RICTOR: variants seen among roughly 807,000 people sequenced by gnomAD.
RICTOR encodes RPTOR independent companion of MTOR complex 2, also known as rapamycin-insensitive companion of mTOR.
In RICTOR, 49 loss-of-function variants were observed where a neutral mutation model predicts 214.9. That is an observed-to-expected ratio of 0.23 (90% CI 0.18 to 0.29). The LOEUF (loss-of-function observed/expected upper bound fraction) is 0.29, where lower values mean the gene tolerates loss of function less well. Among genes scored for constraint, RICTOR ranks in the 10% least tolerant of loss-of-function variants. The pLI is 1.00. For synonymous variants in RICTOR, 717 were observed against 711.3 expected, an observed-to-expected ratio of 1.01 and a Z score of -0.13; for missense variants, 1,625 against 2,047.0, an observed-to-expected ratio of 0.79 and a Z score of 3.98.
intron 2 of RICTOR, among the ~76,000 whole-genome samples, chr5:39,047,093 AAAT>A (rs1757548416): frequency 6.6e-6 from 1 of 152,218 alleles, no homozygotes; most frequent in Non-Finnish European, 1.5e-5. Context: ...TTCCATCTTC[AAAT>A]AATATTACTA....
intron 2 of RICTOR, among the ~76,000 whole-genome samples, chr5:39,034,776 C>T (rs962571223): frequency 6.6e-5 from 10 of 152,244 alleles, no homozygotes; most frequent in African/African-American, 2.4e-4. Flanking sequence ...GGAGGGGCGC[C>T]CGCCATTGCT....
chr5:39,070,294 T>C (rs1282215644), intron 2 of RICTOR, among the ~76,000 whole-genome samples: 2 of 150,702 alleles, frequency 1.3e-5, no homozygotes, highest in Non-Finnish European at 3.0e-5. Flanking sequence ...TGAAACCCCG[T>C]CTCTACTAAA....
At chr5:38,988,459 TC>T (rs1027274224) in intron 7 of RICTOR, among the ~76,000 whole-genome samples, 1 of 152,190 alleles carries the variant, frequency 6.6e-6, no homozygotes, top group African/African-American at 2.4e-5. Context: ...CCCTTCTTTG[TC>T]TTTTCTGATC....
chr5:39,012,600 C>T (rs1172851452), intron 3 of RICTOR, among the ~76,000 whole-genome samples: 2 of 152,094 alleles, frequency 1.3e-5, no homozygotes, highest in African/African-American at 4.8e-5. Context: ...ACTATTTTTG[C>T]CGTTACTGTT....
At chr5:39,056,514 T>TACA (rs1231729240) in intron 2 of RICTOR, among the ~76,000 whole-genome samples, 3 of 152,062 alleles carry the variant, frequency 2.0e-5, no homozygotes, top group African/African-American at 7.2e-5. Context: ...CGTGTGCCTG[T>TACA]ACTCCCAACT....
chr5:38,982,043 G>C lies in RICTOR; in HGVS notation c.584-7C>G. The C allele has an allele frequency of 2.5e-6, 4 of 1,593,826 alleles. No homozygotes were observed. Among genetic ancestry groups the C allele is most frequent in the Non-Finnish European group, 3.4e-6 (4 of 1,164,740 alleles). Reference sequence around the variant, plus strand: ...ACCTCTGGATTCTGAAGTGCTAAAAGAGAAAAACTTAACATATTATATTTG... The same window carrying C: ...ACCTCTGGATTCTGAAGTGCTAAAACAGAAAAACTTAACATATTATATTTG... On this transcript the variant is annotated splice_region_variant and splice_polypyrimidine_tract_variant and intron_variant, in intron 7 of 37. Transcript: ENST00000357387.
intron 7 of RICTOR, among the ~76,000 whole-genome samples, chr5:38,985,719 G>A (rs1462418848): frequency 4.0e-5 from 6 of 148,442 alleles, no homozygotes; most frequent in South Asian, 2.1e-4. Flanking sequence ...TTTTTGAGAC[G>A]GAGTCTCGCA....
intron 2 of RICTOR, among the ~76,000 whole-genome samples, chr5:39,052,410 T>C (rs1040970056): frequency 2.0e-5 from 3 of 152,166 alleles, no homozygotes; most frequent in Non-Finnish European, 1.5e-5. Context: ...TTTTGGACAT[T>C]GTTTTTGCAA....
rs371875489 is a variant in RICTOR at position 39,074,383 on chromosome 5, C to T, written c.-6G>A. ...CCGCGGCCGATCGCCGCCATATTGA[C>T]GGGTTTCAGTCACAACACCGGAAAC... On this transcript the variant is annotated 5_prime_UTR_variant, in exon 1 of 38. Coordinates refer to ENST00000357387, the MANE Select transcript of RICTOR (RefSeq NM_152756.5). 5,161 of 1,539,092 alleles carry T rather than the reference C, an allele frequency of 3.4e-3. 11 individuals are homozygous for T. Among genetic ancestry groups the T allele is most frequent in the Non-Finnish European group, 3.6e-3 (4,160 of 1,141,788 alleles).
intron 34 of RICTOR, 51 bp downstream of exon 34, chr5:38,945,440 A>G: frequency 8.0e-7 from 1 of 1,246,052 alleles, no homozygotes; most frequent in South Asian, 1.3e-5. Flanking sequence ...AGTAAACCAG[A>G]GAACTTTAGT....
chr5:38,943,027 C>T, intron 36 of RICTOR, 56 bp from the exon 37 acceptor site: 1 of 1,323,136 alleles, frequency 7.6e-7, no homozygotes, highest in East Asian at 2.3e-5. Context: ...ATCTATTTTT[C>T]CTCCAAGGTA....
chr5:39,044,413 G>T (rs2150175536), intron 2 of RICTOR, among the ~76,000 whole-genome samples: 1 of 152,028 alleles, frequency 6.6e-6, no homozygotes, highest in East Asian at 1.9e-4. Flanking sequence ...AAGTCTCTAG[G>T]TCATACCTGT....
At chr5:38,963,651 C>T (rs1749977523) in intron 16 of RICTOR, among the ~76,000 whole-genome samples, 3 of 151,842 alleles carry the variant, frequency 2.0e-5, no homozygotes, top group African/African-American at 4.8e-5. Flanking sequence ...TGCTGACTGG[C>T]AAGTATTTAT....
chr5:38,962,611 A>G lies in RICTOR; in HGVS notation c.1567-25T>C, dbSNP rs1749888927. Reference sequence around the variant, plus strand: ...CCTAAAATCATCAGAAAGTAATAAGAAAAATTAAGGCAAACTGTCCTCATA... The same window carrying G: ...CCTAAAATCATCAGAAAGTAATAAGGAAAATTAAGGCAAACTGTCCTCATA... On this transcript the variant is annotated intron_variant, in intron 17 of 37. Coordinates refer to ENST00000357387, the MANE Select transcript of RICTOR (RefSeq NM_152756.5). 3 of 1,298,622 alleles carry G rather than the reference A, an allele frequency of 2.3e-6. No individual in the cohort carries two copies. The East Asian group carries it at 7.0e-5, about 30-fold the overall frequency. 80.4% of individuals were successfully genotyped at this position (1,298,622 alleles called of 1,614,324 possible).
chr5:39,001,091 G>C (rs1369081880), intron 5 of RICTOR, among the ~76,000 whole-genome samples: 1 of 151,992 alleles, frequency 6.6e-6, no homozygotes, highest in African/African-American at 2.4e-5. Context: ...TGTGGATATG[G>C]ACTATCTTAT....
chr5:39,025,295 AC>A (rs1290737725), intron 2 of RICTOR, among the ~76,000 whole-genome samples: 1 of 152,224 alleles, frequency 6.6e-6, no homozygotes, highest in Non-Finnish European at 1.5e-5. Flanking sequence ...CTGCTGAGGA[AC>A]TTTTTAACTT....
chr5:38,961,412 A>T (rs1170643122), intron 19 of RICTOR, among the ~76,000 whole-genome samples: 1 of 152,176 alleles, frequency 6.6e-6, no homozygotes, highest in Non-Finnish European at 1.5e-5. Flanking sequence ...AATTAGGCAA[A>T]AGGTCAAGCA....
intron 25 of RICTOR, among the ~76,000 whole-genome samples, chr5:38,956,775 T>G (rs1749297992): frequency 6.6e-6 from 1 of 152,168 alleles, no homozygotes. Context: ...TAAATTTTAT[T>G]ATGATGATTT....
At chr5:39,053,755 G>A (rs1033090832) in intron 2 of RICTOR, among the ~76,000 whole-genome samples, 1 of 150,008 alleles carries the variant, frequency 6.7e-6, no homozygotes. Flanking sequence ...AGCCGGGCGA[G>A]GTGGCGGGCG....
Sources: allele counts gnomAD v4.1 joint callset (sites outside exome capture counted in the v4.1 genomes callset), GRCh38; gene constraint gnomAD v4.1.1; transcripts MANE v1.5; gene names NCBI Gene and HGNC (gene_info 2026-07-23, HGNC 2026-07-21).